SNTG1: variants seen among roughly 807,000 people sequenced by gnomAD.
The protein encoded by SNTG1 is syntrophin gamma 1, also known as gamma-1-syntrophin.
A neutral mutation model predicts 74.7 loss-of-function variants in SNTG1; 39 were observed. That is an observed-to-expected ratio of 0.52 (90% CI 0.40 to 0.68). The LOEUF (loss-of-function observed/expected upper bound fraction) is 0.68, where lower values mean the gene tolerates loss of function less well. Among genes scored for constraint, SNTG1 ranks in the 30% least tolerant of loss-of-function variants. The pLI, the probability that SNTG1 is intolerant of heterozygous loss-of-function variation, is 0.00. For missense variants in SNTG1, 685 were observed against 609.5 expected (o/e 1.12, Z -1.30); for synonymous variants, 254 against 217.1 (o/e 1.17, Z -1.49).
In SNTG1 at chr8:50,704,732, C is replaced by G. The variant is rs765976858; in HGVS notation, c.1171C>G (p.Leu391Val). Residue 391 changes from leucine to valine, a missense_variant, in exon 16 of 19, where the codon CTA becomes GTA. Physicochemically the swap from Leu to Val is conservative, Grantham distance 32. Coordinates refer to ENST00000642720, the MANE Select transcript of SNTG1 (RefSeq NM_018967.5). ...WERAFQTATF[L>V]EVERIQCKTY... ...AAGAGCCTTCCAGACAGCAACCTTTCTAGAAGTAGAACGGATACAGGTGAG... is the reference window on the plus strand; with the variant it reads ...AAGAGCCTTCCAGACAGCAACCTTTGTAGAAGTAGAACGGATACAGGTGAG... The G allele has an allele frequency of 1.9e-6, 3 of 1,614,072 alleles. No individual in the cohort carries two copies. Among genetic ancestry groups the G allele is most frequent in the East Asian group, 4.5e-5 (2 of 44,854 alleles).
At chr8:49,975,522 A>G (rs886110487) in intron 1 of SNTG1, among the ~76,000 whole-genome samples, 4 of 152,042 alleles carry the variant, frequency 2.6e-5, no homozygotes, top group Non-Finnish European at 2.9e-5. Context: ...AGTCTCCACA[A>G]TCTGATAATT....
chr8:50,071,239 C>T (rs1273058173), intron 1 of SNTG1, among the ~76,000 whole-genome samples: 2 of 152,080 alleles, frequency 1.3e-5, no homozygotes, highest in African/African-American at 2.4e-5. Flanking sequence ...TGCTCTGTCA[C>T]CCAGGTCGGA....
intron 1 of SNTG1, among the ~76,000 whole-genome samples, chr8:50,081,070 A>G (rs946058180): frequency 3.3e-5 from 5 of 150,346 alleles, no homozygotes; most frequent in Admixed American, 1.4e-4. Context: ...TTAATAAAAG[A>G]TAGAGAAAAC....
chr8:50,517,510 G>A lies in SNTG1; in HGVS notation c.467-12667G>A, dbSNP rs576846230. 6.0e-5 allele frequency among the ~76,000 whole-genome samples: 9 copies of A among 149,920 alleles called. No individual in the cohort carries two copies. The South Asian group carries it at 1.3e-3, about 21-fold the overall frequency. ...TACAGACTAGCAAATTGGATAAAGA[G>A]TCAAGAACCACTGGTGTGCTGTATT... is the stretch of plus-strand genomic sequence containing the variant. On this transcript the variant is annotated intron_variant, in intron 9 of 18. Transcript: ENST00000642720.
chr8:49,951,576 T>G (rs1247390633), intron 1 of SNTG1, among the ~76,000 whole-genome samples: 24 of 139,268 alleles, frequency 1.7e-4, no homozygotes, highest in African/African-American at 3.8e-4. Context: ...CATGGACACA[T>G]GAAGGGGAAT....
At chr8:50,335,817 A>ATTATTTTATT (rs71233486) in intron 2 of SNTG1, among the ~76,000 whole-genome samples, 14,503 of 141,314 alleles carry the variant, frequency 0.1, 819 homozygotes, top group East Asian at 0.18. Context: ...TTTATGTTTT[A>ATTATTTTATT]TTATTTTATT....
At chr8:50,700,489 T>G (rs1295803124) in intron 15 of SNTG1, among the ~76,000 whole-genome samples, 3 of 152,142 alleles carry the variant, frequency 2.0e-5, no homozygotes, top group Non-Finnish European at 4.4e-5. Context: ...ACCCATCCAC[T>G]CTTAGCCATC....
chr8:50,417,080 A>G (rs2131429729), intron 4 of SNTG1, among the ~76,000 whole-genome samples: 1 of 152,294 alleles, frequency 6.6e-6, no homozygotes, highest in East Asian at 1.9e-4. Context: ...CCCACTGGAA[A>G]ATTTGGTAAA....
At chr8:50,012,397 G>T (rs1815898957) in intron 1 of SNTG1, among the ~76,000 whole-genome samples, 1 of 152,120 alleles carries the variant, frequency 6.6e-6, no homozygotes, top group African/African-American at 2.4e-5. Context: ...ACCACAAAAA[G>T]GGTGAACCAG....
At chr8:50,341,469 C>G (rs78426965) in intron 2 of SNTG1, among the ~76,000 whole-genome samples, 7,442 of 151,824 alleles carry the variant, frequency 0.049, 246 homozygotes, top group Non-Finnish European at 0.071. Context: ...ATTTATTCAA[C>G]AAATATTTAT....
At chr8:50,498,248 C>A (rs2093921148) in intron 8 of SNTG1, among the ~76,000 whole-genome samples, 1 of 151,860 alleles carries the variant, frequency 6.6e-6, no homozygotes, top group African/African-American at 2.4e-5. Context: ...CATTCCAGTT[C>A]CTCCAAAACC....
intron 1 of SNTG1, among the ~76,000 whole-genome samples, chr8:50,105,498 T>C (rs1216289462): frequency 1.3e-5 from 2 of 152,078 alleles, no homozygotes; most frequent in Non-Finnish European, 1.5e-5. Flanking sequence ...TGTTTTGTTT[T>C]TTTTGCTTAT....
chr8:50,660,453 A>C (rs2095216488), intron 15 of SNTG1, among the ~76,000 whole-genome samples: 2 of 146,040 alleles, frequency 1.4e-5, no homozygotes, highest in African/African-American at 5.1e-5. Context: ...GAAAAAAGAA[A>C]GGGAGGAAGG....
chr8:50,643,529 C>T (rs1479507031), intron 13 of SNTG1, among the ~76,000 whole-genome samples: 1 of 152,190 alleles, frequency 6.6e-6, no homozygotes, highest in Non-Finnish European at 1.5e-5. Flanking sequence ...AACTCGCAAC[C>T]AACTATGTGC....
rs891267532 is a variant in SNTG1 at position 50,303,532 on chromosome 8, C to T, written c.-27-90680C>T. On this transcript the variant is annotated intron_variant, in intron 2 of 18. Coordinates refer to ENST00000642720, the MANE Select transcript of SNTG1 (RefSeq NM_018967.5). Reference sequence around the variant, plus strand: ...ATTGGAATACATAAAAATAAAACTACCTAACCTATATAATATGTATAATTT... The same window carrying T: ...ATTGGAATACATAAAAATAAAACTATCTAACCTATATAATATGTATAATTT... Among the ~76,000 whole-genome samples, 4 of 151,792 alleles carry T rather than the reference C, an allele frequency of 2.6e-5. 1 individual carries two copies. Among genetic ancestry groups the T allele is most frequent in the African/African-American group, 9.7e-5 (4 of 41,356 alleles).
chr8:50,278,106 G>C (rs1223145338), intron 2 of SNTG1, among the ~76,000 whole-genome samples: 3 of 152,068 alleles, frequency 2.0e-5, no homozygotes, highest in African/African-American at 7.2e-5. Flanking sequence ...CCAGGAGGCA[G>C]AGGTTGCAAT....
intron 17 of SNTG1, among the ~76,000 whole-genome samples, chr8:50,749,118 G>T (rs2095561561): frequency 6.6e-6 from 1 of 152,022 alleles, no homozygotes; most frequent in Non-Finnish European, 1.5e-5. Flanking sequence ...TTGAAGAAAT[G>T]TAATACTGCT....
intron 13 of SNTG1, among the ~76,000 whole-genome samples, chr8:50,635,095 C>G (rs188849292): frequency 1.3e-5 from 2 of 152,060 alleles, no homozygotes; most frequent in Non-Finnish European, 2.9e-5. Context: ...AACGTCAGCT[C>G]AAACTCCCAA....
At chr8:50,667,388 G>GTCTGTTCCTT (rs2095255792) in intron 15 of SNTG1, among the ~76,000 whole-genome samples, 1 of 151,974 alleles carries the variant, frequency 6.6e-6, no homozygotes, top group Non-Finnish European at 1.5e-5. Flanking sequence ...AGTTAATAAG[G>GTCTGTTCCTT]AACAGAGGTT....
Sources: allele counts gnomAD v4.1 joint callset (sites outside exome capture counted in the v4.1 genomes callset), GRCh38; gene constraint gnomAD v4.1.1; transcripts MANE v1.5; gene names NCBI Gene and HGNC (gene_info 2026-07-23, HGNC 2026-07-21).